Variants in CACNA1C observed in about 807,000 individuals in gnomAD.
CACNA1C encodes the protein calcium voltage-gated channel subunit alpha1 C, also known as voltage-dependent L-type calcium channel subunit alpha-1C.
In CACNA1C, 30 loss-of-function variants were observed where a neutral mutation model predicts 229.0. The ratio of observed to expected loss-of-function variants is 0.13; its 90% CI spans 0.10 to 0.18. The LOEUF (loss-of-function observed/expected upper bound fraction) is 0.18, where lower values mean the gene tolerates loss of function less well. CACNA1C is among the 10% of genes least tolerant of loss of function. The pLI, the probability that CACNA1C is intolerant of heterozygous loss-of-function variation, is 1.00. For missense variants in CACNA1C, 1,658 were observed against 2,845.0 expected, an observed-to-expected ratio of 0.58 and a Z score of 9.49; for synonymous variants, 1,114 against 1,132.5, an observed-to-expected ratio of 0.98 and a Z score of 0.33.
intron 21 of CACNA1C, among the ~76,000 whole-genome samples, chr12:2,600,619 G>A (rs2071515515): frequency 1.3e-5 from 2 of 152,230 alleles, no homozygotes; most frequent in African/African-American, 4.8e-5. Context: ...AAATGAGAAA[G>A]GCTGTAAAGG....
At chr12:2,565,321 G>T (rs1177492282) in intron 11 of CACNA1C, among the ~76,000 whole-genome samples, 11 of 151,844 alleles carry the variant, frequency 7.2e-5, no homozygotes, top group Admixed American at 5.9e-4. Context: ...CAAAAAATTA[G>T]CCGGGCGCGG....
intron 3 of CACNA1C, among the ~76,000 whole-genome samples, chr12:2,315,407 GATGA>G (rs2095639699): frequency 6.6e-6 from 1 of 152,188 alleles, no homozygotes; most frequent in South Asian, 2.1e-4. Flanking sequence ...CAGCTAGACT[GATGA>G]ATGCCTGGGT....
chr12:2,158,904 G>A (rs1313608763), intron 3 of CACNA1C, among the ~76,000 whole-genome samples: 4 of 152,138 alleles, frequency 2.6e-5, no homozygotes, highest in African/African-American at 4.8e-5. Context: ...CTTCATAGTC[G>A]TGATAAAGTG....
chr12:2,121,526 G>T (rs953225696), intron 3 of CACNA1C, among the ~76,000 whole-genome samples: 2 of 150,716 alleles, frequency 1.3e-5, no homozygotes, highest in Non-Finnish European at 2.9e-5. Context: ...CACCGCCTGC[G>T]GGCTGTGGTG....
chr12:2,136,145 A>G lies in CACNA1C; in HGVS notation c.477+15715A>G, dbSNP rs915290870. 4.6e-5 allele frequency among the ~76,000 whole-genome samples: 7 copies of G among 151,282 alleles called. 1 individual carries two copies. Among genetic ancestry groups the G allele is most frequent in the Non-Finnish European group, 1.0e-4 (7 of 67,620 alleles). On this transcript the variant is annotated intron_variant, in intron 3 of 46. Transcript: ENST00000399655. ...CCGCTTGCGCTTCCCAGGTGAGGCA[A>G]TGCCTCGCCCTGCTTTGGCTCGCGC...
At chr12:2,491,653 AGAGGAG>A (rs901364093) in intron 6 of CACNA1C, among the ~76,000 whole-genome samples, 76 of 129,218 alleles carry the variant, frequency 5.9e-4, no homozygotes, top group African/African-American at 2.1e-3. Context: ...AGGAGGAGGA[AGAGGAG>A]GAGGAGGAGG....
intron 3 of CACNA1C, among the ~76,000 whole-genome samples, chr12:2,239,380 G>A (rs866421833): frequency 8.5e-5 from 13 of 152,066 alleles, no homozygotes; most frequent in African/African-American, 2.2e-4. Context: ...GCTTCATCTC[G>A]TAAGGCTCTT....
At chr12:2,460,446 A>G (rs1227904423) in intron 5 of CACNA1C, among the ~76,000 whole-genome samples, 1 of 152,242 alleles carries the variant, frequency 6.6e-6, no homozygotes, top group Non-Finnish European at 1.5e-5. Context: ...GCTCTAGTAC[A>G]GAGATTCTTA....
At position 2,457,718 on chromosome 12, in the gene CACNA1C, C is replaced by G. The variant is rs1396589623; in HGVS notation, c.757+12C>G. The G allele has an allele frequency of 1.3e-6, 2 of 1,572,508 alleles. No individual in the cohort carries two copies. Among genetic ancestry groups the G allele is most frequent in the African/African-American group, 2.7e-5 (2 of 73,294 alleles). On this transcript the variant is annotated intron_variant, in intron 5 of 46. Coordinates refer to ENST00000399655, the MANE Select transcript of CACNA1C (RefSeq NM_000719.7). ...GTCCGGAGTCCCAAGTAAGTGAAGC[C>G]CGTTCTTGTGTACAGTGTTATCTCC...
rs774966357 is a variant in CACNA1C, at chr12:2,691,016, C to T, written c.6234C>T (p.Ala2078=). ...CCATAGAGGAGATGGAGAGCGCGGC[C>T]GACAACATCCTCAGCGGGGGCGCCC... ...DMTIEEMESA[A]DNILSGGAPQ... is the part of the protein sequence containing the mutation. The change falls in exon 47 of 47, where the codon GCC becomes GCT. Residue 2078 remains alanine, a synonymous_variant. Transcript: ENST00000399655. 24 of 1,600,896 alleles carry T rather than the reference C, an allele frequency of 1.5e-5. No homozygotes were observed. The highest frequency in any genetic ancestry group is 8.6e-5 in the Admixed American group (5 of 58,070).
intron 3 of CACNA1C, among the ~76,000 whole-genome samples, chr12:2,198,705 C>T (rs1001677070): frequency 1.3e-5 from 2 of 152,054 alleles, no homozygotes; most frequent in African/African-American, 4.8e-5. Context: ...GAGGGAGAGA[C>T]AGGGGGTTCT....
intron 3 of CACNA1C, among the ~76,000 whole-genome samples, chr12:2,138,900 G>C (rs2093843096): frequency 6.6e-6 from 1 of 150,588 alleles, no homozygotes; most frequent in Non-Finnish European, 1.5e-5. Flanking sequence ...CTTGTAGGAA[G>C]TTTTCTCTGC....
At chr12:2,162,835 A>G (rs1000186499) in intron 3 of CACNA1C, among the ~76,000 whole-genome samples, 11 of 152,154 alleles carry the variant, frequency 7.2e-5, no homozygotes, top group African/African-American at 2.2e-4. Flanking sequence ...CCTTGTTGGT[A>G]TACTTTTGTG....
intron 13 of CACNA1C, among the ~76,000 whole-genome samples, chr12:2,571,686 G>GA (rs144666054): frequency 0.064 from 9,751 of 152,200 alleles, 347 homozygotes; most frequent in African/African-American, 0.078. Context: ...TCTATAAACA[G>GA]AAAAAATCAT....
At chr12:2,674,427 A>G in intron 38 of CACNA1C, 114 bp from the exon 39 acceptor site, 2 of 1,408,810 alleles carry the variant, frequency 1.4e-6, no homozygotes, top group Non-Finnish European at 1.9e-6. Context: ...AAAGAAACTG[A>G]TGAGTCAGGG....
At chr12:2,133,444 GT>G (rs1275086572) in intron 3 of CACNA1C, among the ~76,000 whole-genome samples, 1 of 4,392 alleles carries the variant, frequency 2.3e-4, no homozygotes, top group Non-Finnish European at 3.3e-4. Context: ...TGGGCATTTA[GT>G]GCTATAAATT....
intron 3 of CACNA1C, among the ~76,000 whole-genome samples, chr12:2,132,670 G>T: frequency 1.9e-5 from 1 of 52,134 alleles, no homozygotes; most frequent in African/African-American, 1.2e-4. Flanking sequence ...TGATCATGGT[G>T]GATAAGCTTT....
rs1167746274 is a variant in CACNA1C at position 2,557,017 on chromosome 12, C to T, written c.1508+40C>T. 8.8e-6 allele frequency: 14 copies of T among 1,586,994 alleles called. No homozygotes were observed. The Admixed American group carries it at 2.0e-4, about 23-fold the overall frequency. On this transcript the variant is annotated intron_variant, in intron 11 of 46. Coordinates refer to ENST00000399655, the MANE Select transcript of CACNA1C (RefSeq NM_000719.7). ...CGCTGCTCTTCCTTCCTTCTGCCAC[C>T]AGCTCTGTCTTCAGCCACCCTGTTG...
chr12:2,668,501 A>G (rs2096362010), intron 37 of CACNA1C: 1 of 171,472 alleles, frequency 5.8e-6, no homozygotes, highest in South Asian at 1.6e-4. Context: ...GAGACTGGGT[A>G]ATTTATAAGA....
Sources: allele counts gnomAD v4.1 joint callset (sites outside exome capture counted in the v4.1 genomes callset), GRCh38; gene constraint gnomAD v4.1.1; transcripts MANE v1.5; gene names NCBI Gene and HGNC (gene_info 2026-07-23, HGNC 2026-07-21).